Variants in CDH16 observed in about 807,000 individuals in gnomAD.
CDH16 encodes the protein cadherin-16.
CDH16 carries 79 observed loss-of-function variants against 87.6 expected under a neutral mutation model. The observed-to-expected ratio is 0.90, with a 90% confidence interval of 0.75 to 1.09. The LOEUF is 1.09. Ranked by LOEUF, CDH16 falls within the 50% of genes least tolerant of loss-of-function variation. CDH16 has a pLI of 0.00. For synonymous variants in CDH16, 457 were observed against 439.5 expected, an observed-to-expected ratio of 1.04 and a Z score of -0.50; for missense variants, 1,124 against 1,071.7, an observed-to-expected ratio of 1.05 and a Z score of -0.68.
chr16:66,916,444 C>T lies in CDH16; in HGVS notation c.130-15G>A, dbSNP rs771489865. 3 of 1,586,198 alleles carry T rather than the reference C, an allele frequency of 1.9e-6. No individual in the cohort carries two copies. The highest frequency in any genetic ancestry group is 1.1e-5 in the South Asian group (1 of 87,474). ...GGCAGCGGCAACTGATGGAAATGAA[C>T]AGAAGTGAAGGGAGCGGTGGCCAGG... On this transcript the variant is annotated splice_polypyrimidine_tract_variant and intron_variant, in intron 3 of 17. Coordinates refer to ENST00000299752, the MANE Select transcript of CDH16 (RefSeq NM_004062.4). This position sits in a 1 kb window ranked among gnomAD's most constrained non-coding sequence, Gnocchi z 4.1.
Position 66,913,299 on chromosome 16 carries a change from G to A in CDH16, c.904-18C>T, listed in dbSNP as rs1962519072. ...AGCAGGTACTGCGGTGGGCAGTAGG[G>A]GGCTTCAGGTCAGGACCAAGGGCAG... On this transcript the variant is annotated intron_variant, in intron 8 of 17. Coordinates refer to ENST00000299752, the MANE Select transcript of CDH16 (RefSeq NM_004062.4). The A allele has an allele frequency of 4.5e-6, 7 of 1,544,864 alleles. No homozygotes were observed. In the African/African-American group the frequency reaches 6.9e-5, roughly 15 times the overall value.
chr16:66,911,223 G>A lies in CDH16; in HGVS notation c.1883C>T (p.Pro628Leu). The A allele has an allele frequency of 1.2e-6, 2 of 1,613,652 alleles. No individual in the cohort carries two copies. The highest frequency in any genetic ancestry group is 2.2e-5 in the East Asian group (1 of 44,852). The stretch of plus-strand genomic sequence containing the variant: ...CACAAGCACCGTGTAGGTGTCCCCA[G>A]GCTGGGCGCCCTGCAGGGACTGGGC... ...HTAQSLQGAQ[P>L]GDTYTVLVEA... Residue 628 changes from proline (P) to leucine (L), a missense_variant, in exon 14 of 18, where the codon CCT becomes CTT. Physicochemically the swap from Pro to Leu is moderately conservative, Grantham distance 98 (BLOSUM62 -3). Coordinates refer to ENST00000299752, the MANE Select transcript of CDH16 (RefSeq NM_004062.4).
In CDH16 at chr16:66,913,542, T is replaced by C; in HGVS notation, c.852A>G (p.Ala284=). 1 of 1,614,176 alleles carries C rather than the reference T, an allele frequency of 6.2e-7. No homozygotes were observed. The highest frequency in any genetic ancestry group is 8.5e-7 in the Non-Finnish European group (1 of 1,180,002). ...SHPPGPFEVN[A]EGNLYVTREL... Reference sequence around the variant, plus strand: ...CTCTGGTCACGTAGAGGTTTCCCTCTGCATTCACTTCAAAGGGTCCCGGGG... The same window carrying C: ...CTCTGGTCACGTAGAGGTTTCCCTCCGCATTCACTTCAAAGGGTCCCGGGG... Residue 284 remains alanine, a synonymous_variant, in exon 8 of 18, where the codon GCA becomes GCG. Transcript: ENST00000299752.
rs200416727 is a variant in CDH16, at chr16:66,913,012, G to GTC, written c.1054+118_1054+119insGA. ...AGCTCGTGTGTGTGTGTGTGTGTGTGTGTGTGTGTGTTATGGAGGGACATT... is the reference window on the plus strand; with the variant it reads ...AGCTCGTGTGTGTGTGTGTGTGTGTGTCTGTGTGTGTGTTATGGAGGGACATT... On this transcript the variant is annotated intron_variant, in intron 9 of 17. Coordinates refer to ENST00000299752, the MANE Select transcript of CDH16 (RefSeq NM_004062.4). 1.8e-5 allele frequency: 24 copies of GTC among 1,318,834 alleles called. No individual in the cohort carries two copies. The African/African-American group carries it at 3.5e-4, about 19-fold the overall frequency. The allele number at this position is 1,318,834 out of a possible 1,614,324, so 81.7% of individuals were successfully genotyped here.
rs766242047 is a variant in CDH16, at chr16:66,914,371, G to T, written c.625C>A (p.Leu209Met). The T allele has an allele frequency of 6.2e-6, 10 of 1,614,092 alleles. No homozygotes were observed. The highest frequency in any genetic ancestry group is 8.5e-6 in the Non-Finnish European group (10 of 1,180,036). ...LDHALERTYQ[L>M]LVQVKDMGDQ... ...CCCATGTCCTTGACCTGTACCAACA[G>T]CTGGTAGGTCCTCTCCAGGGCGTGG... Residue 209 changes from leucine (L) to methionine (M), a missense_variant, in exon 7 of 18, where the codon CTG becomes ATG. Coordinates refer to ENST00000299752, the MANE Select transcript of CDH16 (RefSeq NM_004062.4).
At chr16:66,913,389 C>T (rs886873105) in intron 8 of CDH16, 102 bp downstream of exon 8, 2 of 1,572,532 alleles carry the variant, frequency 1.3e-6, no homozygotes, top group Admixed American at 1.8e-5. Flanking sequence ...GGGGCTCTTT[C>T]CCACTGCCTC....
At chr16:66,913,763 T>C in intron 7 of CDH16, 150 bp from the exon 8 acceptor site, 1 of 1,024,412 alleles carries the variant, frequency 9.8e-7, no homozygotes. Context: ...GGGATCCTTC[T>C]GTTCAGGGCA....
chr16:66,913,304 T>A (rs771808961), intron 8 of CDH16, 23 bp from the exon 9 acceptor site: 2 of 1,544,610 alleles, frequency 1.3e-6, no homozygotes, highest in South Asian at 1.3e-5. Context: ...GTAGGGGGCT[T>A]CAGGTCAGGA....
Position 66,908,242 on chromosome 16 carries a change from C to CTGGTGA in CDH16, c.*144_*149dup. On this transcript the variant is annotated 3_prime_UTR_variant, in exon 18 of 18. Transcript: ENST00000299752. ...TGGTGTCCAGGCTCTGCAGACATGC[C>CTGGTGA]TGGTGATGGTGATGGTGCCTCCACC... The CTGGTGA allele has an allele frequency of 9.5e-6, 6 of 633,558 alleles. No homozygotes were observed. The highest frequency in any genetic ancestry group is 9.3e-5 in the South Asian group (5 of 53,718). The allele number at this position is 633,558 out of a possible 1,614,324, so 39.2% of individuals were successfully genotyped here. A position where few individuals can be genotyped will look rare whatever the true frequency, so the allele number is the denominator to read the frequency against.
Position 66,913,169 on chromosome 16 carries a change from CG to C in CDH16, c.1015del (p.Arg339ValfsTer17). The stretch of plus-strand genomic sequence containing the variant: ...CTCAGGGATGCTGACTGTGGGGTCA[CG>C]GGGAGGGCAGATAGGCACGTTGTCA... ...ENDNVPICPP[R>X]DPTVSIPELS... On this transcript the variant is annotated frameshift_variant, in exon 9 of 18. Transcript: ENST00000299752. LOFTEE classifies it high-confidence loss of function. 1 of 1,609,618 alleles carries C rather than the reference CG, an allele frequency of 6.2e-7. No individual in the cohort carries two copies. Among genetic ancestry groups the C allele is most frequent in the Non-Finnish European group, 8.5e-7 (1 of 1,177,938 alleles).
Position 66,911,941 on chromosome 16 carries a change from A to G in CDH16, c.1748T>C (p.Leu583Pro). 6.2e-7 allele frequency: 1 copy of G among 1,612,338 alleles called. No homozygotes were observed. The highest frequency in any genetic ancestry group is 8.5e-7 in the Non-Finnish European group (1 of 1,178,624). Residue 583 changes from leucine to proline, a missense_variant, in exon 13 of 18, where the codon CTG (leucine) becomes CCG (proline). Coordinates refer to ENST00000299752, the MANE Select transcript of CDH16 (RefSeq NM_004062.4). ...VPISAPAGSF[L>P]LTIQPSDPIS... is the part of the protein sequence containing the mutation. ...GGGGTCGGAGGGCTGGATGGTCAGCAGGAAAGAGCCGGCTGGGGCACTGAT... is the reference window on the plus strand; with the variant it reads ...GGGGTCGGAGGGCTGGATGGTCAGCGGGAAAGAGCCGGCTGGGGCACTGAT...
chr16:66,917,278 G>A (rs1362459504), intron 3 of CDH16, among the ~76,000 whole-genome samples: 2 of 152,144 alleles, frequency 1.3e-5, no homozygotes, highest in Middle Eastern at 3.4e-3. Context: ...CAGCCTGGGC[G>A]ACAAGAGCGA....
rs1349909168 is a variant in CDH16, at chr16:66,913,568, G to A, written c.826C>T (p.Pro276Ser). The change falls in exon 8 of 18, where the codon CCC (proline) becomes TCC (serine). Residue 276 changes from proline to serine, a missense_variant. Pro to Ser is a moderately conservative substitution (Grantham distance 74). Transcript: ENST00000299752. ...GDVHYHLESH[P>S]PGPFEVNAEG... The stretch of plus-strand genomic sequence containing the variant: ...GCATTCACTTCAAAGGGTCCCGGGG[G>A]ATGGCTCTCCAGGTGATAGTGCACA... 1.9e-6 allele frequency: 3 copies of A among 1,614,122 alleles called. No individual in the cohort carries two copies. The highest frequency in any genetic ancestry group is 2.2e-5 in the South Asian group (2 of 91,086).
rs1962583972 is a variant in CDH16 at position 66,914,396 on chromosome 16, G to A, written c.600C>T (p.Asp200=). The change falls in exon 7 of 18, where the codon GAC becomes GAT. Residue 200 remains aspartate, a synonymous_variant. Coordinates refer to ENST00000299752, the MANE Select transcript of CDH16 (RefSeq NM_004062.4). Reference sequence around the variant, plus strand: ...GCTGGTAGGTCCTCTCCAGGGCGTGGTCAAGGCTGGTGCTCCCTAGAACAG... The same window carrying A: ...GCTGGTAGGTCCTCTCCAGGGCGTGATCAAGGCTGGTGCTCCCTAGAACAG... ...ALSPKGSTSL[D]HALERTYQLL... 2 of 1,613,728 alleles carry A rather than the reference G, an allele frequency of 1.2e-6. No homozygotes were observed. Among genetic ancestry groups the A allele is most frequent in the Admixed American group, 3.3e-5 (2 of 59,994 alleles).
chr16:66,910,378 G>A lies in CDH16; in HGVS notation c.2049C>T (p.Gly683=), dbSNP rs1278190263. The A allele has an allele frequency of 1.1e-5, 17 of 1,613,774 alleles. No homozygotes were observed. The highest frequency in any genetic ancestry group is 1.4e-5 in the Non-Finnish European group (17 of 1,179,850). Reference sequence around the variant, plus strand: ...CCTTGCTGGGTCCACTCACGATCAAGCCATGGTCTTGGCGGGGTGTGCAGA... The same window carrying A: ...CCTTGCTGGGTCCACTCACGATCAAACCATGGTCTTGGCGGGGTGTGCAGA... ...QYLCTPRQDH[G]LIVSGPSKDP... Residue 683 remains glycine (G), a synonymous_variant, in exon 15 of 18, where the codon GGC becomes GGT. Coordinates refer to ENST00000299752, the MANE Select transcript of CDH16 (RefSeq NM_004062.4).
chr16:66,915,439 C>A (rs1198537104), intron 5 of CDH16, 61 bp from the exon 6 acceptor site: 2 of 1,531,056 alleles, frequency 1.3e-6, no homozygotes, highest in Non-Finnish European at 1.8e-6. Context: ...GTCTCCCATG[C>A]CTCTCCTATT....
chr16:66,912,345 GCGGGCT>G lies in CDH16; in HGVS notation c.1439_1444del (p.Glu480_Pro481del). On this transcript the variant is annotated inframe_deletion, in exon 12 of 18. Transcript: ENST00000299752. The stretch of plus-strand genomic sequence containing the variant: ...AATGGCAAAATCCATGAGGCGGAAG[GCGGGCT>G]CGAGGTCAGCATCAATGGCTGTTAG... The G allele has an allele frequency of 6.2e-7, 1 of 1,614,180 alleles. No individual in the cohort carries two copies. The highest frequency in any genetic ancestry group is 8.5e-7 in the Non-Finnish European group (1 of 1,180,036).
chr16:66,918,261 A>AG (rs1326508606), intron 1 of CDH16, among the ~76,000 whole-genome samples, 183 bp from the exon 2 acceptor site: 3 of 152,306 alleles, frequency 2.0e-5, no homozygotes, highest in African/African-American at 7.2e-5. Flanking sequence ...CAAGGCCCCC[A>AG]GGCCCAGCCA....
Position 66,912,511 on chromosome 16 carries a change from G to A in CDH16, c.1352C>T (p.Thr451Ile), listed in dbSNP as rs769494023. The change falls in exon 11 of 18, where the codon ACT becomes ATT. Residue 451 changes from threonine to isoleucine, a missense_variant. Thr to Ile is a moderately conservative substitution (Grantham distance 89). Coordinates refer to ENST00000299752, the MANE Select transcript of CDH16 (RefSeq NM_004062.4). ...DINDHAPEFI[T>I]SQIGPISLPE... ...TCCCCTGCGTCTGCTTACCTGGGAA[G>A]TGATGAACTCAGGGGCGTGATCATT... The A allele has an allele frequency of 1.9e-6, 3 of 1,614,196 alleles. No homozygotes were observed. The highest frequency in any genetic ancestry group is 8.5e-7 in the Non-Finnish European group (1 of 1,180,000).
Sources: gnomAD v4.1 joint callset for allele counts (sites outside exome capture counted in the v4.1 genomes callset) on GRCh38, gnomAD v4.1.1 for gene constraint, Gnocchi (gnomAD v3.1) non-coding constraint, MANE v1.5 for transcripts, NCBI Gene and HGNC (gene_info 2026-07-23, HGNC 2026-07-21) for gene names.